FGF23: variants seen among roughly 807,000 people sequenced by gnomAD.
FGF23 encodes fibroblast growth factor 23.
In FGF23, 8 loss-of-function variants were observed where a neutral mutation model predicts 9.0. That is an observed-to-expected ratio of 0.89 (90% CI 0.52 to 1.60). The LOEUF (loss-of-function observed/expected upper bound fraction) is 1.60. Among genes scored for constraint, FGF23 ranks in the 40% most tolerant of loss-of-function variants. The probability of loss-of-function intolerance (pLI) is 0.00; values close to 1 mark genes in which losing one functional copy is unlikely to be tolerated. For synonymous variants in FGF23, 118 were observed against 146.2 expected, an observed-to-expected ratio of 0.81 and a Z score of 1.39; for missense variants, 311 against 344.3, an observed-to-expected ratio of 0.90 and a Z score of 0.77.
chr12:4,374,638 A>G (rs1466796508), intron 1 of FGF23, among the ~76,000 whole-genome samples: 1 of 142,386 alleles, frequency 7.0e-6, no homozygotes, highest in African/African-American at 2.6e-5. Context: ...CGACAGAGCG[A>G]GACTCCGTCT....
rs750025882 is a variant in FGF23, at chr12:4,370,426, C to T, written c.673G>A (p.Gly225Arg). ...DNSPMASDPL[G>R]VVRGGRVNTH... ...TTCACTCGACCGCCCCTGACCACCC[C>T]TAATGGGTCACTGGCCATCGGGCTG... Residue 225 changes from glycine (G) to arginine (R), a missense_variant, in exon 3 of 3, where the codon GGG becomes AGG. This residue lies in a region of FGF23 where 206 missense variants were observed against 219.2 expected (regional missense o/e 0.94). Coordinates refer to ENST00000237837, the MANE Select transcript of FGF23 (RefSeq NM_020638.3). The T allele has an allele frequency of 1.9e-5, 31 of 1,613,686 alleles. No homozygotes were observed. The highest frequency in any genetic ancestry group is 4.4e-5 in the South Asian group (4 of 91,082).
At position 4,379,436 on chromosome 12, in the gene FGF23, GTTC is replaced by G. The variant is rs1865153761; in HGVS notation, c.144_146del (p.Arg48_Asn49delinsSer). On this transcript the variant is annotated inframe_deletion, in exon 1 of 3. Transcript: ENST00000237837. ...TCTTGTGGATCTGCAGGTGGTAGCT[GTTC>G]CTGGCTGTGGCTGTGTACAGGTGGA... 1 of 1,613,556 alleles carries G rather than the reference GTTC, an allele frequency of 6.2e-7. No homozygotes were observed. Among genetic ancestry groups the G allele is most frequent in the Non-Finnish European group, 8.5e-7 (1 of 1,180,026 alleles).
At chr12:4,374,015 G>A (rs1865091467) in intron 1 of FGF23, among the ~76,000 whole-genome samples, 1 of 152,128 alleles carries the variant, frequency 6.6e-6, no homozygotes, top group Non-Finnish European at 1.5e-5. Context: ...CCTATCCCAT[G>A]CAGGCTCAAT....
Position 4,368,228 on chromosome 12 carries a change from C to T in FGF23, c.*2115G>A, listed in dbSNP as rs1016797631. The T allele has an allele frequency of 6.0e-5, 10 of 165,726 alleles. No individual in the cohort carries two copies. The highest frequency in any genetic ancestry group is 2.2e-4 in the African/African-American group (9 of 41,736). 10.3% of individuals were successfully genotyped at this position (165,726 alleles called of 1,614,324 possible). ...AGAAAACACTTTAGGGTTAGAATGA[C>T]CAGAAATCCAATATTGATAAAACTT... is the stretch of plus-strand genomic sequence containing the variant. On this transcript the variant is annotated 3_prime_UTR_variant, in exon 3 of 3. Coordinates refer to ENST00000237837, the MANE Select transcript of FGF23 (RefSeq NM_020638.3).
Position 4,368,939 on chromosome 12 carries a change from G to GAA in FGF23, c.*1402_*1403dup. 4.7e-6 allele frequency: 1 copy of GAA among 212,238 alleles called. No individual in the cohort carries two copies. The highest frequency in any genetic ancestry group is 9.4e-6 in the Non-Finnish European group (1 of 105,892). The allele number at this position is 212,238 out of a possible 1,614,324, so 13.1% of individuals were successfully genotyped here. A position where few individuals can be genotyped will look rare whatever the true frequency, so the allele number is the denominator to read the frequency against. On this transcript the variant is annotated 3_prime_UTR_variant, in exon 3 of 3. Coordinates refer to ENST00000237837, the MANE Select transcript of FGF23 (RefSeq NM_020638.3). The stretch of plus-strand genomic sequence containing the variant: ...TAAGGTTAGTATGTGATGGCAGTGA[G>GAA]AAAAAAAAAAGTGACTGGGAAGAAG...
chr12:4,372,527 C>T (rs1327936160), intron 2 of FGF23, 67 bp downstream of exon 2: 8 of 989,002 alleles, frequency 8.1e-6, no homozygotes, highest in Non-Finnish European at 1.1e-5. Context: ...CTAGAAAAGT[C>T]TATGTCGTGT....
intron 1 of FGF23, among the ~76,000 whole-genome samples, chr12:4,374,526 T>A (rs1865096226): frequency 6.6e-6 from 1 of 151,966 alleles, no homozygotes. Flanking sequence ...GGTGGGCACC[T>A]GTAGTCCCAG....
chr12:4,376,935 G>A (rs1248253927), intron 1 of FGF23, among the ~76,000 whole-genome samples: 2 of 152,116 alleles, frequency 1.3e-5, no homozygotes, highest in Admixed American at 6.5e-5. Context: ...ACTAGGAAAA[G>A]TAGATCTCCC....
chr12:4,369,357 G>C lies in FGF23; in HGVS notation c.*986C>G. The C allele has an allele frequency of 4.3e-6, 1 of 231,574 alleles. No individual in the cohort carries two copies. The highest frequency in any genetic ancestry group is 8.5e-6 in the Non-Finnish European group (1 of 117,026). 14.3% of individuals were successfully genotyped at this position (231,574 alleles called of 1,614,324 possible). ...CCAGTCTCTCAAAGCCCCCTTCCCAGTCACATTTTTGTAGTTTGTTCAGAA... is the reference window on the plus strand; with the variant it reads ...CCAGTCTCTCAAAGCCCCCTTCCCACTCACATTTTTGTAGTTTGTTCAGAA... On this transcript the variant is annotated 3_prime_UTR_variant, in exon 3 of 3. Coordinates refer to ENST00000237837, the MANE Select transcript of FGF23 (RefSeq NM_020638.3).
At chr12:4,373,616 C>T (rs1865086247) in intron 1 of FGF23, among the ~76,000 whole-genome samples, 1 of 152,164 alleles carries the variant, frequency 6.6e-6, no homozygotes, top group Non-Finnish European at 1.5e-5. Flanking sequence ...CCGACAAGGG[C>T]CTGAAACCCA....
chr12:4,379,443 G>C lies in FGF23; in HGVS notation c.140C>G (p.Ala47Gly). The change falls in exon 1 of 3, where the codon GCC becomes GGC. Residue 47 changes from alanine (A) to glycine (G), a missense_variant. Around this residue, in one of 3 missense-constraint regions of FGF23, gnomAD observed 102 missense variants for 108.2 expected, o/e 0.94. Transcript: ENST00000237837. ...GGLIHLYTAT[A>G]RNSYHLQIHK... is the part of the protein sequence containing the mutation. ...GATCTGCAGGTGGTAGCTGTTCCTG[G>C]CTGTGGCTGTGTACAGGTGGATCAG... The C allele has an allele frequency of 6.2e-7, 1 of 1,613,530 alleles. No individual in the cohort carries two copies. Among genetic ancestry groups the C allele is most frequent in the Non-Finnish European group, 8.5e-7 (1 of 1,180,034 alleles).
At position 4,370,588 on chromosome 12, in the gene FGF23, T is replaced by G. The variant is rs1591672309; in HGVS notation, c.511A>C (p.Thr171Pro). 6.2e-7 allele frequency: 1 copy of G among 1,612,012 alleles called. No individual in the cohort carries two copies. Among genetic ancestry groups the G allele is most frequent in the East Asian group, 2.2e-5 (1 of 44,778 alleles). Residue 171 changes from threonine to proline, a missense_variant, in exon 3 of 3, where the codon ACC (threonine) becomes CCC (proline). By Grantham distance (38) the Thr-to-Pro change is conservative. Transcript: ENST00000237837. ...RNEIPLIHFN[T>P]PIPRRHTRSA... ...CGGGTGTGCCGCCGTGGTATGGGGG[T>G]GTTGAAGTGAATTAGGGGGATCTCG...
chr12:4,370,838 C>T, intron 2 of FGF23, 55 bp from the exon 3 acceptor site: 1 of 1,437,058 alleles, frequency 7.0e-7, no homozygotes, highest in Admixed American at 1.7e-5. Context: ...CCCACCCACT[C>T]CCCAGCTCCT....
chr12:4,371,345 G>C (rs1865062273), intron 2 of FGF23, among the ~76,000 whole-genome samples: 1 of 152,174 alleles, frequency 6.6e-6, no homozygotes. Flanking sequence ...TTACAGATCA[G>C]GACTATCTAC....
chr12:4,376,498 G>T (rs1865117428), intron 1 of FGF23, among the ~76,000 whole-genome samples: 1 of 152,026 alleles, frequency 6.6e-6, no homozygotes, highest in Non-Finnish European at 1.5e-5. Flanking sequence ...TTATCTACAT[G>T]CATTAATCTT....
chr12:4,370,530 A>G lies in FGF23; in HGVS notation c.569T>C (p.Leu190Pro). 6.2e-7 allele frequency: 1 copy of G among 1,612,748 alleles called. No homozygotes were observed. The highest frequency in any genetic ancestry group is 1.1e-5 in the South Asian group (1 of 91,050). Residue 190 changes from leucine to proline, a missense_variant, in exon 3 of 3, where the codon CTG (leucine) becomes CCG (proline). By Grantham distance (98) the Leu-to-Pro change is moderately conservative. This residue lies in a region of FGF23 where 206 missense variants were observed against 219.2 expected (regional missense o/e 0.94). Coordinates refer to ENST00000237837, the MANE Select transcript of FGF23 (RefSeq NM_020638.3). Reference sequence around the variant, plus strand: ...CCGGGCCCGGGGCTTCAGCACGTTCAGGGGGTCCCGCTCCGAGTCGTCCTC... The same window carrying G: ...CCGGGCCCGGGGCTTCAGCACGTTCGGGGGGTCCCGCTCCGAGTCGTCCTC... ...SAEDDSERDP[L>P]NVLKPRARMT...
chr12:4,379,287 C>T, intron 1 of FGF23, 85 bp downstream of exon 1: 1 of 1,202,652 alleles, frequency 8.3e-7, no homozygotes, highest in Non-Finnish European at 1.2e-6. Flanking sequence ...GATTAGCCCT[C>T]CAGTCTAGTC....
chr12:4,378,533 A>G (rs780257600), intron 1 of FGF23, among the ~76,000 whole-genome samples: 3 of 152,200 alleles, frequency 2.0e-5, no homozygotes, highest in Admixed American at 6.5e-5. Context: ...TGGATTGATT[A>G]TTGTGGATTG....
intron 2 of FGF23, 30 bp downstream of exon 2, chr12:4,372,564 A>G (rs879208560): frequency 7.6e-7 from 1 of 1,322,666 alleles, no homozygotes; most frequent in South Asian, 1.2e-5. Flanking sequence ...ATTGTTTGCA[A>G]ATGGTGACCA....
Sources: gnomAD v4.1 joint callset for allele counts (sites outside exome capture counted in the v4.1 genomes callset) on GRCh38, gnomAD v4.1.1 for gene constraint, gnomAD v4.1.1 regional missense constraint, MANE v1.5 for transcripts, NCBI Gene and HGNC (gene_info 2026-07-23, HGNC 2026-07-21) for gene names.